DMD: variants seen among roughly 807,000 people sequenced by gnomAD.
DMD encodes dystrophin, also known as mutant dystrophin.
In DMD, 63 loss-of-function variants were observed where a neutral mutation model predicts 330.1. The observed-to-expected ratio is 0.19, with a 90% CI of 0.16 to 0.24. The LOEUF (loss-of-function observed/expected upper bound fraction) is 0.24. DMD is among the 10% of genes least tolerant of loss of function. DMD has a pLI of 1.00. For missense variants in DMD, 3,344 were observed against 2,684.1 expected (o/e 1.25, Z -5.43); for synonymous variants, 1,223 against 959.8 (o/e 1.27, Z -5.07).
intron 2 of DMD, among the ~76,000 whole-genome samples, chrX:32,934,381 C>T (rs2089833026): frequency 9.0e-6 from 1 of 110,634 alleles, no homozygotes; most frequent in African/African-American, 3.3e-5. Context: ...AAAGAGAGAC[C>T]ATATCTTTAA....
intron 55 of DMD, among the ~76,000 whole-genome samples, chrX:31,527,263 A>G (rs1490920134): frequency 1.8e-5 from 2 of 111,948 alleles, no homozygotes; most frequent in African/African-American, 3.2e-5. Flanking sequence ...TTGGTAGGCA[A>G]TCTACTTTGG....
At chrX:31,530,647 CTTTTTTTTTTTTTTTTTTTTTTAATTT>C (rs1269653723) in intron 55 of DMD, among the ~76,000 whole-genome samples, 2 of 49,845 alleles carry the variant, frequency 4.0e-5, no homozygotes, top group Non-Finnish European at 3.6e-5. Flanking sequence ...ACTGGTTTCT[CTTTTTTTTTTTTTTTTTTTTTTAATTT>C]TTTTTTTTTT....
At chrX:31,605,238 T>A (rs1266920626) in intron 55 of DMD, among the ~76,000 whole-genome samples, 2 of 111,789 alleles carry the variant, frequency 1.8e-5, no homozygotes, top group Non-Finnish European at 3.8e-5. Flanking sequence ...TAAATGACAG[T>A]TGCCATAAAA....
chrX:32,008,202 T>A (rs2095677737), intron 44 of DMD, among the ~76,000 whole-genome samples: 1 of 111,037 alleles, frequency 9.0e-6, no homozygotes, highest in East Asian at 2.8e-4. Flanking sequence ...AGCTTTCCCT[T>A]CCCACCAGGA....
At chrX:32,181,140 CGA>C (rs1428012679) in intron 44 of DMD, among the ~76,000 whole-genome samples, 1 of 111,872 alleles carries the variant, frequency 8.9e-6, no homozygotes, top group Non-Finnish European at 1.9e-5. Flanking sequence ...CATACGTTTT[CGA>C]GAGTGAGCAG....
At chrX:32,143,971 T>C (rs1255239451) in intron 44 of DMD, among the ~76,000 whole-genome samples, 1 of 111,032 alleles carries the variant, frequency 9.0e-6, no homozygotes. Context: ...AGAAAATATG[T>C]TTCGTTCTGG....
At chrX:31,422,135 A>G (rs1296709874) in intron 60 of DMD, among the ~76,000 whole-genome samples, 2 of 105,201 alleles carry the variant, frequency 1.9e-5, no homozygotes, top group African/African-American at 7.0e-5. Context: ...CCTCCCGAGT[A>G]GCTGGGACTA....
At chrX:32,429,177 G>A (rs1436151021) in intron 29 of DMD, among the ~76,000 whole-genome samples, 2 of 102,963 alleles carry the variant, frequency 1.9e-5, no homozygotes, top group African/African-American at 7.1e-5. Flanking sequence ...TAGGACTACA[G>A]ATGTATTTTT....
intron 55 of DMD, among the ~76,000 whole-genome samples, chrX:31,546,309 T>A: frequency 8.9e-6 from 1 of 112,231 alleles, no homozygotes; most frequent in East Asian, 2.8e-4. Context: ...AGCAACCAGC[T>A]TAGATCCCTT....
chrX:32,860,748 A>G (rs1019749075), intron 2 of DMD, among the ~76,000 whole-genome samples: 4 of 111,125 alleles, frequency 3.6e-5, no homozygotes, highest in Non-Finnish European at 7.5e-5. Context: ...TTTAAGAAAC[A>G]GAATATGATC....
At chrX:32,859,022 C>T (rs1018283483) in intron 2 of DMD, among the ~76,000 whole-genome samples, 1 of 111,413 alleles carries the variant, frequency 9.0e-6, no homozygotes, top group African/African-American at 3.3e-5. Flanking sequence ...ATTATTACTC[C>T]AGAGCACTCC....
At chrX:31,474,832 A>AGGG (rs1281754021) in intron 59 of DMD, among the ~76,000 whole-genome samples, 1 of 111,084 alleles carries the variant, frequency 9.0e-6, no homozygotes, top group Non-Finnish European at 1.9e-5. Context: ...TGAGTGGAAA[A>AGGG]ATGGGAAGAG....
chrX:32,146,079 A>G lies in DMD; in HGVS notation c.6438+70837T>C, dbSNP rs770524644. 2.7e-5 allele frequency among the ~76,000 whole-genome samples: 3 copies of G among 112,146 alleles called. No homozygotes were observed. The South Asian group carries it at 1.1e-3, about 41-fold the overall frequency. ...TATAGGGCTGCCATGTTTTGATTGTATGATACTATGTATCCCTACTGTTTA... is the reference window on the plus strand; with the variant it reads ...TATAGGGCTGCCATGTTTTGATTGTGTGATACTATGTATCCCTACTGTTTA... On this transcript the variant is annotated intron_variant, in intron 44 of 78. Transcript: ENST00000357033.
At chrX:32,025,923 C>A (rs887260724) in intron 44 of DMD, among the ~76,000 whole-genome samples, 3 of 111,874 alleles carry the variant, frequency 2.7e-5, no homozygotes, top group Admixed American at 1.9e-4. Context: ...ACTCTGAAAT[C>A]CTAAACAAAT....
At chrX:32,205,005 T>TCTCTCTCTCACAAACA (rs60181300) in intron 44 of DMD, among the ~76,000 whole-genome samples, 1 of 29,239 alleles carries the variant, frequency 3.4e-5, no homozygotes, top group East Asian at 8.0e-4. Context: ...TCTCTCTCTC[T>TCTCTCTCTCACAAACA]CACATACACA....
intron 62 of DMD, among the ~76,000 whole-genome samples, chrX:31,281,103 G>A (rs2052578210): frequency 8.9e-6 from 1 of 112,050 alleles, no homozygotes; most frequent in African/African-American, 3.2e-5. Flanking sequence ...TCTTCAGGCA[G>A]AGGGCTGAGT....
At chrX:32,480,638 G>A (rs1056265298) in intron 21 of DMD, among the ~76,000 whole-genome samples, 44 of 105,857 alleles carry the variant, frequency 4.2e-4, no homozygotes, top group African/African-American at 1.6e-3. Flanking sequence ...ATGTACATAC[G>A]TATATGCACA....
At chrX:31,308,896 A>AT (rs1432583908) in intron 62 of DMD, among the ~76,000 whole-genome samples, 1 of 110,614 alleles carries the variant, frequency 9.0e-6, no homozygotes, top group Non-Finnish European at 1.9e-5. Flanking sequence ...CACCAGACTA[A>AT]TTTTTGTATT....
chrX:31,227,039 T>C (rs2046672842), intron 63 of DMD, among the ~76,000 whole-genome samples: 1 of 111,461 alleles, frequency 9.0e-6, no homozygotes, highest in Non-Finnish European at 1.9e-5. Context: ...TTCTCTTCTT[T>C]TTTTCCCTTT....
Sources: allele counts gnomAD v4.1 joint callset (sites outside exome capture counted in the v4.1 genomes callset), GRCh38; gene constraint gnomAD v4.1.1; transcripts MANE v1.5; gene names NCBI Gene and HGNC (gene_info 2026-07-23, HGNC 2026-07-21).